TMEM132A: variants seen among roughly 807,000 people sequenced by gnomAD.
The protein encoded by TMEM132A is transmembrane protein 132A, also known as GRP78-binding protein.
TMEM132A carries 48 observed loss-of-function variants against 69.9 expected under a neutral mutation model. The ratio of observed to expected loss-of-function variants is 0.69; its 90% CI spans 0.55 to 0.87. The LOEUF is 0.87. TMEM132A is among the 40% of genes least tolerant of loss of function. The pLI, the probability that TMEM132A is intolerant of heterozygous loss-of-function variation, is 0.00. For missense variants in TMEM132A, 1,287 were observed against 1,407.2 expected (o/e 0.91, Z 1.37); for synonymous variants, 577 against 613.7 (o/e 0.94, Z 0.88).
At chr11:60,933,382 C>A in intron 7 of TMEM132A, 160 bp from the exon 8 acceptor site, 1 of 602,608 alleles carries the variant, frequency 1.7e-6, no homozygotes, top group Non-Finnish European at 2.9e-6. Flanking sequence ...GGGAGTTTTG[C>A]CATGTTGCCC....
chr11:60,926,828 CCAGTCTGCCGA>C (rs1471305082), intron 1 of TMEM132A, among the ~76,000 whole-genome samples: 3 of 152,148 alleles, frequency 2.0e-5, no homozygotes, highest in African/African-American at 4.8e-5. Flanking sequence ...CTACACTGGC[CCAGTCTGCCGA>C]CGGTTGCACC....
In TMEM132A at chr11:60,927,210, G is replaced by A. The variant is rs766522709; in HGVS notation, c.107G>A (p.Cys36Tyr). 6.2e-7 allele frequency: 1 copy of A among 1,612,606 alleles called. No homozygotes were observed. The highest frequency in any genetic ancestry group is 8.5e-7 in the Non-Finnish European group (1 of 1,179,936). ...CCCTCTTATGCCTCTTCAGTGGACTGTGGCCAGGCTCCCCTGGACCCTGTC... is the reference window on the plus strand; with the variant it reads ...CCCTCTTATGCCTCTTCAGTGGACTATGGCCAGGCTCCCCTGGACCCTGTC... The part of the protein sequence containing the change: ...ALALDVVRVD[C>Y]GQAPLDPVYL... The change falls in exon 2 of 11, where the codon TGT becomes TAT. Residue 36 changes from cysteine to tyrosine, a missense_variant. Transcript: ENST00000453848.
In TMEM132A at chr11:60,927,770, G is replaced by T; in HGVS notation, c.445G>T (p.Asp149Tyr). ...ARVLFHLKGQ[D>Y]WPPGSGSLPC... ...GGTTCTCTTCCACCTCAAAGGGCAGGATTGGCCACCAGGGTCTGGCAGCCT... is the reference window on the plus strand; with the variant it reads ...GGTTCTCTTCCACCTCAAAGGGCAGTATTGGCCACCAGGGTCTGGCAGCCT... The change falls in exon 3 of 11, where the codon GAT becomes TAT. Residue 149 changes from aspartate to tyrosine, a missense_variant. By Grantham distance (160) the Asp-to-Tyr change is radical (BLOSUM62 -3). Coordinates refer to ENST00000453848, the MANE Select transcript of TMEM132A (RefSeq NM_178031.3). 1 of 1,613,184 alleles carries T rather than the reference G, an allele frequency of 6.2e-7. No individual in the cohort carries two copies. Among genetic ancestry groups the T allele is most frequent in the Non-Finnish European group, 8.5e-7 (1 of 1,180,024 alleles).
At position 60,928,795 on chromosome 11, in the gene TMEM132A, TG is replaced by T. The variant is rs1307852183; in HGVS notation, c.707del (p.Gly236ValfsTer21). 1.2e-6 allele frequency: 2 copies of T among 1,610,730 alleles called. No homozygotes were observed. Among genetic ancestry groups the T allele is most frequent in the Non-Finnish European group, 1.7e-6 (2 of 1,179,232 alleles). ...GACCCTGGGGAGCAGGCCCTCCCAG[TG>T]GGGGGTGTGGAGCTGCGCCCAGCAG... The part of the protein sequence containing the change: ...ENDPGEQALP[V>X]GGVELRPADP... On this transcript the variant is annotated frameshift_variant, in exon 4 of 11. Coordinates refer to ENST00000453848, the MANE Select transcript of TMEM132A (RefSeq NM_178031.3). LOFTEE classifies it high-confidence loss of function.
rs1256911694 is a variant in TMEM132A, at chr11:60,928,689, TC to T, written c.597del (p.Thr200ProfsTer57). 6.2e-7 allele frequency: 1 copy of T among 1,610,896 alleles called. No homozygotes were observed. The highest frequency in any genetic ancestry group is 8.5e-7 in the Non-Finnish European group (1 of 1,179,788). ...ELPSHWFSQA[S>X]TTRAELAYTL... ...TCCCTCGCACTGGTTCTCACAGGCC[TC>T]CACCACACGGGCCGAGCTGGCCTAC... On this transcript the variant is annotated frameshift_variant, in exon 4 of 11. Transcript: ENST00000453848. LOFTEE classifies it high-confidence loss of function.
At position 60,936,408 on chromosome 11, in the gene TMEM132A, G is replaced by C. The variant is rs1484302406; in HGVS notation, c.2573G>C (p.Cys858Ser). 1 of 1,614,172 alleles carries C rather than the reference G, an allele frequency of 6.2e-7. No individual in the cohort carries two copies. Among genetic ancestry groups the C allele is most frequent in the East Asian group, 2.2e-5 (1 of 44,880 alleles). The change falls in exon 11 of 11, where the codon TGC becomes TCC. Residue 858 changes from cysteine (C) to serine (S), a missense_variant. By Grantham distance (112) the Cys-to-Ser change is moderately radical (BLOSUM62 -1). Transcript: ENST00000453848. ...ATGTACGCCCTGCTGGGAGTCTTCTGCGTGGCCATCTTCATCTTCTTGGTC... is the reference window on the plus strand; with the variant it reads ...ATGTACGCCCTGCTGGGAGTCTTCTCCGTGGCCATCTTCATCTTCTTGGTC... ...LGMYALLGVF[C>S]VAIFIFLVNG...
chr11:60,929,989 G>A (rs1856441339), intron 4 of TMEM132A, among the ~76,000 whole-genome samples: 1 of 152,190 alleles, frequency 6.6e-6, no homozygotes, highest in Non-Finnish European at 1.5e-5. Context: ...GGTTCAAAGT[G>A]CGGTGGGAGC....
chr11:60,927,514 C>T, intron 2 of TMEM132A, 96 bp downstream of exon 2: 4 of 1,421,808 alleles, frequency 2.8e-6, no homozygotes, highest in Non-Finnish European at 2.9e-6. Context: ...CCCGGCTGTG[C>T]TCCCCATATT....
At position 60,933,634 on chromosome 11, in the gene TMEM132A, C is replaced by A; in HGVS notation, c.1449C>A (p.Arg483=). The change falls in exon 8 of 11, where the codon CGC becomes CGA. Residue 483 remains arginine (R), a synonymous_variant. Coordinates refer to ENST00000453848, the MANE Select transcript of TMEM132A (RefSeq NM_178031.3). ...VRVDFWWRRL[R]ASLRLTVWAP... ...TGGACTTCTGGTGGCGCCGGCTCCGCGCCTCGCTGCGGCTGACCGTGTGGG... is the reference window on the plus strand; with the variant it reads ...TGGACTTCTGGTGGCGCCGGCTCCGAGCCTCGCTGCGGCTGACCGTGTGGG... The A allele has an allele frequency of 6.2e-7, 1 of 1,605,450 alleles. No individual in the cohort carries two copies.
In TMEM132A at chr11:60,935,525, C is replaced by T. The variant is rs1456842178; in HGVS notation, c.2028+82C>T. 1 of 1,409,360 alleles carries T rather than the reference C, an allele frequency of 7.1e-7. No homozygotes were observed. Among genetic ancestry groups the T allele is most frequent in the East Asian group, 2.5e-5 (1 of 40,296 alleles). 87.3% of individuals were successfully genotyped at this position (1,409,360 alleles called of 1,614,324 possible). ...TAGAGGGGAATGGGAGGAAGGGACC[C>T]TGGTACCTCGACCCCTTAGGGTTTT... On this transcript the variant is annotated intron_variant, in intron 10 of 10. Transcript: ENST00000453848. This position sits in a 1 kb window ranked among gnomAD's most constrained non-coding sequence, Gnocchi z 5.0.
rs1856401872 is a variant in TMEM132A, at chr11:60,928,635, C to G, written c.541C>G (p.Leu181Val). The stretch of plus-strand genomic sequence containing the variant: ...TGCTGTCGTGTCTTCACAGCCATCC[C>G]TGGGCGCCTGCGTGGTGGAGCTGGA... ...AHQACRFQPS[L>V]GACVVELELP... The change falls in exon 4 of 11, where the codon CTG (leucine) becomes GTG (valine). Residue 181 changes from leucine to valine, a missense_variant. By Grantham distance (32) the Leu-to-Val change is conservative. Coordinates refer to ENST00000453848, the MANE Select transcript of TMEM132A (RefSeq NM_178031.3). 3 of 1,608,196 alleles carry G rather than the reference C, an allele frequency of 1.9e-6. No individual in the cohort carries two copies. The highest frequency in any genetic ancestry group is 1.3e-5 in the African/African-American group (1 of 74,864).
At position 60,927,671 on chromosome 11, in the gene TMEM132A, C is replaced by A. The variant is rs751089802; in HGVS notation, c.346C>A (p.Gln116Lys). 6.2e-7 allele frequency: 1 copy of A among 1,612,980 alleles called. No homozygotes were observed. Among genetic ancestry groups the A allele is most frequent in the South Asian group, 1.1e-5 (1 of 91,074 alleles). The change falls in exon 3 of 11, where the codon CAA (glutamine) becomes AAA (lysine). Residue 116 changes from glutamine to lysine, a missense_variant. Physicochemically the swap from Gln to Lys is moderately conservative, Grantham distance 53. Coordinates refer to ENST00000453848, the MANE Select transcript of TMEM132A (RefSeq NM_178031.3). ...VVPPRVTEPH[Q>K]RPVPWDVRAV... ...CCCCCCTCGAGTCACTGAGCCCCAC[C>A]AACGGCCAGTCCCATGGGACGTGCG...
At position 60,936,596 on chromosome 11, in the gene TMEM132A, G is replaced by A. The variant is rs771253101; in HGVS notation, c.2761G>A (p.Gly921Arg). 114 of 1,594,554 alleles carry A rather than the reference G, an allele frequency of 7.1e-5. No homozygotes were observed. The highest frequency in any genetic ancestry group is 9.1e-5 in the Non-Finnish European group (106 of 1,170,366). The change falls in exon 11 of 11, where the codon GGG becomes AGG. Residue 921 changes from glycine to arginine, a missense_variant. Transcript: ENST00000453848. ...RQSPGPPKGE[G>R]SCPCESGGGG... ...GTCCCCTGGCCCGCCCAAGGGGGAG[G>A]GGAGCTGCCCCTGTGAGAGTGGGGG...
At chr11:60,924,767 GC>G (rs1856313575) in intron 1 of TMEM132A, 34 bp downstream of exon 1, 1 of 1,413,866 alleles carries the variant, frequency 7.1e-7, no homozygotes. Flanking sequence ...GCGAGGGGCG[GC>G]CGGGCCCGGC....
rs373742200 is a variant in TMEM132A at position 60,935,407 on chromosome 11, G to A, written c.1992G>A (p.Thr664=). The change falls in exon 10 of 11, where the codon ACG becomes ACA. Residue 664 remains threonine (T), a synonymous_variant. Transcript: ENST00000453848. The surrounding 1 kb of genome is among the most constrained non-coding windows in gnomAD (Gnocchi z 5.0). The part of the protein sequence containing the change: ...GTAHPGEVTA[T]CWAQSALPAP... ...CCCACCCCGGGGAGGTCACAGCTAC[G>A]TGCTGGGCACAGTCAGCCCTTCCCG... The A allele has an allele frequency of 2.6e-4, 414 of 1,610,742 alleles. 1 individual carries two copies. Among genetic ancestry groups the A allele is most frequent in the Non-Finnish European group, 3.3e-4 (385 of 1,178,914 alleles).
intron 7 of TMEM132A, chr11:60,932,828 G>C (rs890413548): frequency 6.6e-6 from 1 of 152,212 alleles, no homozygotes; most frequent in Admixed American, 6.5e-5. Flanking sequence ...GTTCCTGCTG[G>C]AGGGCCTTGG....
At chr11:60,929,244 C>T (rs1478860649) in intron 4 of TMEM132A, among the ~76,000 whole-genome samples, 3 of 152,228 alleles carry the variant, frequency 2.0e-5, no homozygotes, top group Non-Finnish European at 1.5e-5. Context: ...TTCAGGGCAG[C>T]TGCAAGTCTC....
rs143096147 is a variant in TMEM132A, at chr11:60,931,989, G to A, written c.1218G>A (p.Glu406=). 8 of 1,608,330 alleles carry A rather than the reference G, an allele frequency of 5.0e-6. No homozygotes were observed. In the South Asian group the frequency reaches 7.7e-5, roughly 16 times the overall value. Residue 406 remains glutamate (E), a synonymous_variant, in exon 7 of 11, where the codon GAG becomes GAA. Transcript: ENST00000453848. ...IRALIPLAKA[E]ELVNTAPLTG... ...AGCCCCTCCTCCACCCCCAGGCTGA[G>A]GAGCTGGTGAATACAGCACCACTGA...
Position 60,927,725 on chromosome 11 carries a change from C to A in TMEM132A, c.400C>A (p.Pro134Thr), listed in dbSNP as rs1258175030. The change falls in exon 3 of 11, where the codon CCA becomes ACA. Residue 134 changes from proline to threonine, a missense_variant. Pro to Thr is a conservative substitution (Grantham distance 38, BLOSUM62 -1). Transcript: ENST00000453848. ...RAVSVEAAVT[P>T]AEPYARVLFH... ...CGTTTCAGTGGAAGCGGCTGTGACTCCAGCAGAGCCCTACGCCCGGGTTCT... is the reference window on the plus strand; with the variant it reads ...CGTTTCAGTGGAAGCGGCTGTGACTACAGCAGAGCCCTACGCCCGGGTTCT... 1 of 1,613,494 alleles carries A rather than the reference C, an allele frequency of 6.2e-7. No individual in the cohort carries two copies. Among genetic ancestry groups the A allele is most frequent in the Non-Finnish European group, 8.5e-7 (1 of 1,180,052 alleles).
Sources: gnomAD v4.1 joint callset for allele counts (sites outside exome capture counted in the v4.1 genomes callset) on GRCh38, gnomAD v4.1.1 for gene constraint, Gnocchi (gnomAD v3.1) non-coding constraint, MANE v1.5 for transcripts, NCBI Gene and HGNC (gene_info 2026-07-23, HGNC 2026-07-21) for gene names.